Variants in MYH13 observed in about 807,000 individuals in gnomAD.
MYH13 encodes myosin heavy chain 13, also known as myosin-13.
MYH13 carries 177 observed loss-of-function variants against 232.1 expected under a neutral mutation model. That is an observed-to-expected ratio of 0.76 (90% confidence interval 0.67 to 0.86). The LOEUF is 0.86. Among genes scored for constraint, MYH13 ranks in the 40% least tolerant of loss-of-function variants. The probability of loss-of-function intolerance (pLI) is 0.00; values close to 1 mark genes in which losing one functional copy is unlikely to be tolerated. For synonymous variants in MYH13, 884 were observed against 923.5 expected (o/e 0.96, Z 0.78); for missense variants, 2,246 against 2,405.9 (o/e 0.93, Z 1.39).
At chr17:10,318,371 G>A (rs1322189315) in intron 27 of MYH13, among the ~76,000 whole-genome samples, 1 of 152,138 alleles carries the variant, frequency 6.6e-6, no homozygotes, top group African/African-American at 2.4e-5. Context: ...TGATAAGGTC[G>A]TGGGGGTGGA....
chr17:10,326,784 C>T (rs1453023306), intron 22 of MYH13, among the ~76,000 whole-genome samples: 1 of 150,210 alleles, frequency 6.7e-6, no homozygotes, highest in Non-Finnish European at 1.5e-5. Context: ...GCCTATACTG[C>T]CCCATTTCTT....
rs1434333684 is a variant in MYH13 at position 10,362,290 on chromosome 17, C to A, written c.349-16G>T. 6.2e-6 allele frequency: 10 copies of A among 1,613,738 alleles called. No homozygotes were observed. The highest frequency in any genetic ancestry group is 8.5e-6 in the Non-Finnish European group (10 of 1,179,828). ...CTGAGTAGGTCTGGGAAGATCAGAA[C>A]ATTTATCATTTGGATCTCGTTTTTA... On this transcript the variant is annotated splice_polypyrimidine_tract_variant and intron_variant, in intron 4 of 40. Transcript: ENST00000252172.
chr17:10,326,844 C>CTCACT (rs1907214540), intron 22 of MYH13, among the ~76,000 whole-genome samples: 1 of 143,046 alleles, frequency 7.0e-6, no homozygotes, highest in African/African-American at 2.6e-5. Flanking sequence ...AGATCGGGGT[C>CTCACT]TCACTGTGTT....
At chr17:10,309,130 C>A in intron 35 of MYH13, 104 bp downstream of exon 35, 1 of 1,221,880 alleles carries the variant, frequency 8.2e-7, no homozygotes, top group Non-Finnish European at 1.1e-6. Context: ...CTCCTTCCCA[C>A]GGCGTGGGCC....
intron 23 of MYH13, among the ~76,000 whole-genome samples, chr17:10,322,633 T>C (rs1370720446): frequency 5.1e-5 from 4 of 78,810 alleles, no homozygotes; most frequent in Admixed American, 1.2e-4. Flanking sequence ...TACAGTTGTT[T>C]TTTTTTTTTT....
At chr17:10,330,693 C>T (rs928372488) in intron 20 of MYH13, among the ~76,000 whole-genome samples, 170 bp from the exon 21 acceptor site, 2 of 150,978 alleles carry the variant, frequency 1.3e-5, no homozygotes, top group African/African-American at 2.4e-5. Context: ...TCCTCAGTGG[C>T]TCCTCCTGGG....
chr17:10,355,001 A>G lies in MYH13; in HGVS notation c.803-8T>C. The stretch of plus-strand genomic sequence containing the variant: ...TGGATTTTTCTAACAGATCTAAGGT[A>G]ACAAAAATAACGTGATTTCAGGCTC... On this transcript the variant is annotated splice_region_variant and splice_polypyrimidine_tract_variant and intron_variant, in intron 9 of 40. Transcript: ENST00000252172. 1 of 1,608,980 alleles carries G rather than the reference A, an allele frequency of 6.2e-7. No individual in the cohort carries two copies. The highest frequency in any genetic ancestry group is 8.5e-7 in the Non-Finnish European group (1 of 1,175,434).
Position 10,300,899 on chromosome 17 carries a change from T to C in MYH13, c.*52A>G. On this transcript the variant is annotated 3_prime_UTR_variant, in exon 41 of 41. Coordinates refer to ENST00000252172, the MANE Select transcript of MYH13 (RefSeq NM_003802.3). ...TTAGGAGAATTTATTTCTCACACATTTTCCCTCCACTCTCTCGGAGGTGTC... is the reference window on the plus strand; with the variant it reads ...TTAGGAGAATTTATTTCTCACACATCTTCCCTCCACTCTCTCGGAGGTGTC... 1 of 1,586,694 alleles carries C rather than the reference T, an allele frequency of 6.3e-7. No individual in the cohort carries two copies. Among genetic ancestry groups the C allele is most frequent in the African/African-American group, 1.4e-5 (1 of 73,726 alleles).
intron 20 of MYH13, among the ~76,000 whole-genome samples, chr17:10,331,848 G>A (rs1907416723): frequency 1.3e-5 from 2 of 152,146 alleles, no homozygotes; most frequent in Admixed American, 1.3e-4. Context: ...TGGGACACTA[G>A]AGTTCCCCAT....
At position 10,309,412 on chromosome 17, in the gene MYH13, G is replaced by A; in HGVS notation, c.4991C>T (p.Ala1664Val). Residue 1664 changes from alanine to valine, a missense_variant, in exon 35 of 41, where the codon GCC becomes GTC. Physicochemically the swap from Ala to Val is moderately conservative, Grantham distance 64 (BLOSUM62 0). Coordinates refer to ENST00000252172, the MANE Select transcript of MYH13 (RefSeq NM_003802.3). ...LKDSQLHLDDALRSNEDLKEQ... is the reference protein window; with the variant it reads ...LKDSQLHLDDVLRSNEDLKEQ... ...CTTGAGGTCCTCATTGCTCCTCAGG[G>A]CGTCATCGAGATGCAGCTGGGAGTC... 2 of 1,606,752 alleles carry A rather than the reference G, an allele frequency of 1.2e-6. No individual in the cohort carries two copies. The highest frequency in any genetic ancestry group is 1.7e-6 in the Non-Finnish European group (2 of 1,176,412).
At chr17:10,351,857 T>C (rs535298546) in intron 11 of MYH13, among the ~76,000 whole-genome samples, 6 of 152,276 alleles carry the variant, frequency 3.9e-5, no homozygotes, top group South Asian at 2.1e-4. Context: ...ATTGGTAGGA[T>C]TGAAACATGT....
rs376655371 is a variant in MYH13, at chr17:10,357,803, G to C, written c.670C>G (p.Gln224Glu). ...AAGGCCTCCAGCAGTGGGTTGGCCT[G>C]GATGATCTGATCCTCTAGGGTTCCC... ...MQGTLEDQIIQANPLLEAFGN... is the reference protein window; with the variant it reads ...MQGTLEDQIIEANPLLEAFGN... The change falls in exon 8 of 41, where the codon CAG (glutamine) becomes GAG (glutamate). Residue 224 changes from glutamine to glutamate, a missense_variant. Physicochemically the swap from Gln to Glu is conservative, Grantham distance 29. Coordinates refer to ENST00000252172, the MANE Select transcript of MYH13 (RefSeq NM_003802.3). 1.2e-6 allele frequency: 2 copies of C among 1,613,718 alleles called. No individual in the cohort carries two copies. The highest frequency in any genetic ancestry group is 1.7e-6 in the Non-Finnish European group (2 of 1,179,758).
intron 2 of MYH13, among the ~76,000 whole-genome samples, chr17:10,366,466 C>T (rs1231056457): frequency 6.8e-6 from 1 of 147,762 alleles, no homozygotes; most frequent in African/African-American, 2.5e-5. Context: ...CTGCAACCTC[C>T]ACCTCCCGGG....
At chr17:10,362,999 C>T (rs547397912) in intron 3 of MYH13, among the ~76,000 whole-genome samples, 1 of 152,280 alleles carries the variant, frequency 6.6e-6, no homozygotes, top group Admixed American at 6.5e-5. Context: ...CTCCTCTCTC[C>T]CCTATTGCTT....
Position 10,343,964 on chromosome 17 carries a change from GC to G in MYH13, c.1729del (p.Ala577LeufsTer27). The part of the protein sequence containing the change: ...KPKPAKGKAE[A>X]HFSLVHYAGT... ...GGCATAGTGCACCAGCGAGAAGTGA[GC>G]CTCAGCCTTGCCTTTGGCAGGCTTG... On this transcript the variant is annotated frameshift_variant, in exon 16 of 41. Transcript: ENST00000252172. LOFTEE classifies it high-confidence loss of function. 1.2e-6 allele frequency: 2 copies of G among 1,614,210 alleles called. No homozygotes were observed. Among genetic ancestry groups the G allele is most frequent in the Non-Finnish European group, 1.7e-6 (2 of 1,180,044 alleles).
At chr17:10,326,158 C>T (rs1907190946) in intron 22 of MYH13, among the ~76,000 whole-genome samples, 1 of 152,196 alleles carries the variant, frequency 6.6e-6, no homozygotes, top group Non-Finnish European at 1.5e-5. Context: ...GCCCATTTTA[C>T]AGACGAGATA....
chr17:10,320,056 G>T, intron 26 of MYH13, 97 bp downstream of exon 26: 1 of 869,608 alleles, frequency 1.1e-6, no homozygotes, highest in Non-Finnish European at 1.8e-6. Flanking sequence ...TTAGCAGGAG[G>T]AAGGAAAGAA....
rs1396270323 is a variant in MYH13, at chr17:10,311,127, C to G, written c.4632G>C (p.Leu1544=). ...KKLVEQEKSD[L]QVALEEVEGS... The stretch of plus-strand genomic sequence containing the variant: ...CCTCCACTTCTTCTAAGGCGACCTG[C>G]AGATCTGACTTTTCCTGCTCCACTA... Residue 1544 remains leucine (L), a synonymous_variant, in exon 33 of 41, where the codon CTG becomes CTC. Transcript: ENST00000252172. 1 of 1,614,030 alleles carries G rather than the reference C, an allele frequency of 6.2e-7. No homozygotes were observed. The highest frequency in any genetic ancestry group is 2.2e-5 in the East Asian group (1 of 44,886).
chr17:10,363,315 C>CAAAAAAAAAAAA (rs11390504), intron 3 of MYH13, among the ~76,000 whole-genome samples: 27 of 91,768 alleles, frequency 2.9e-4, no homozygotes, highest in African/African-American at 1.2e-3. Flanking sequence ...GACTCCGTCT[C>CAAAAAAAAAAAA]AAAAAAAAAA....
Sources: allele counts gnomAD v4.1 joint callset (sites outside exome capture counted in the v4.1 genomes callset), GRCh38; gene constraint gnomAD v4.1.1; transcripts MANE v1.5; gene names NCBI Gene and HGNC (gene_info 2026-07-23, HGNC 2026-07-21).